Variants in BEND4 observed in about 807,000 individuals in gnomAD.
The protein encoded by BEND4 is BEN domain containing 4.
Under a neutral mutation model 54.7 loss-of-function variants are expected in BEND4, and 27 were observed. The ratio of observed to expected loss-of-function variants is 0.49; its 90% CI spans 0.36 to 0.68. The LOEUF is 0.68. Ranked by LOEUF, BEND4 falls within the 30% of genes least tolerant of loss-of-function variation. The probability of loss-of-function intolerance (pLI) is 0.00; values close to 1 mark genes in which losing one functional copy is unlikely to be tolerated. For missense variants in BEND4, 702 were observed against 697.2 expected (o/e 1.01, Z -0.08); for synonymous variants, 327 against 299.5 (o/e 1.09, Z -0.95).
At position 42,116,933 on chromosome 4, in the gene BEND4, G is replaced by C. The variant is rs1719861262; in HGVS notation, c.*585C>G. On this transcript the variant is annotated 3_prime_UTR_variant, in exon 6 of 6. Coordinates refer to ENST00000502486, the MANE Select transcript of BEND4 (RefSeq NM_207406.4). ...GTTTTTAAACAACAGAAAAACAGTT[G>C]ACCTGTAATTAATCACTGTCTGCAG... 6.6e-6 allele frequency: 1 copy of C among 152,164 alleles called. No homozygotes were observed. Among genetic ancestry groups the C allele is most frequent in the Non-Finnish European group, 1.5e-5 (1 of 68,030 alleles). The allele number at this position is 152,164 out of a possible 1,614,324, so 9.4% of individuals were successfully genotyped here. A position where few individuals can be genotyped will look rare whatever the true frequency, so the allele number is the denominator to read the frequency against.
At chr4:42,150,825 C>T (rs1446070841) in intron 2 of BEND4, among the ~76,000 whole-genome samples, 1 of 152,230 alleles carries the variant, frequency 6.6e-6, no homozygotes, top group Non-Finnish European at 1.5e-5. Flanking sequence ...CGAGGCGTTT[C>T]TGTAAGGCTC....
intron 3 of BEND4, among the ~76,000 whole-genome samples, chr4:42,135,590 G>C (rs1440216574): frequency 6.6e-6 from 1 of 151,974 alleles, no homozygotes; most frequent in African/African-American, 2.4e-5. Flanking sequence ...GGCTAACACA[G>C]TGAAACCCCG....
At chr4:42,131,352 A>G (rs1413354785) in intron 3 of BEND4, among the ~76,000 whole-genome samples, 1 of 152,224 alleles carries the variant, frequency 6.6e-6, no homozygotes, top group Non-Finnish European at 1.5e-5. Context: ...GAAAGAATAT[A>G]AGCCAAAGTG....
intron 3 of BEND4, among the ~76,000 whole-genome samples, chr4:42,135,648 G>A (rs1379460583): frequency 5.3e-5 from 8 of 152,126 alleles, no homozygotes; most frequent in South Asian, 2.1e-4. Flanking sequence ...GGTGAGGGGC[G>A]CCTGTACCCC....
At position 42,112,019 on chromosome 4, in the gene BEND4, T is replaced by A. The variant is rs920884418; in HGVS notation, c.*5499A>T. ...AGAGGATATATGGTTTGTATGTTCCTACCTAAGCATCGACATACTTTAGTA... is the reference window on the plus strand; with the variant it reads ...AGAGGATATATGGTTTGTATGTTCCAACCTAAGCATCGACATACTTTAGTA... On this transcript the variant is annotated 3_prime_UTR_variant, in exon 6 of 6. Transcript: ENST00000502486. 1 of 152,238 alleles carries A rather than the reference T, an allele frequency of 6.6e-6. No individual in the cohort carries two copies. The highest frequency in any genetic ancestry group is 2.4e-5 in the African/African-American group (1 of 41,464). 9.4% of individuals were successfully genotyped at this position (152,238 alleles called of 1,614,324 possible).
At chr4:42,141,361 G>T (rs1720873362) in intron 3 of BEND4, among the ~76,000 whole-genome samples, 1 of 152,180 alleles carries the variant, frequency 6.6e-6, no homozygotes, top group Admixed American at 6.5e-5. Context: ...CAAGTGGGTA[G>T]CTTTCTTTAA....
At position 42,123,694 on chromosome 4, in the gene BEND4, G is replaced by GAAAAAAAA. The variant is rs71664396; in HGVS notation, c.1146+1881_1146+1888dup. ...ATATTTACTTTGGATCTGTAATTCA[G>GAAAAAAAA]AAAAAAAAAAAAAAAAAAAAAAACA... is the stretch of plus-strand genomic sequence containing the variant. On this transcript the variant is annotated intron_variant, in intron 4 of 5. Transcript: ENST00000502486. 5.2e-3 allele frequency among the ~76,000 whole-genome samples: 264 copies of GAAAAAAAA among 50,462 alleles called. 3 individuals are homozygous for GAAAAAAAA. Among genetic ancestry groups the GAAAAAAAA allele is most frequent in the African/African-American group, 0.017 (216 of 13,066 alleles). 33.1% of individuals were successfully genotyped at this position (50,462 alleles called of 152,430 possible). A position where few individuals can be genotyped will look rare whatever the true frequency, so the allele number is the denominator to read the frequency against.
chr4:42,138,911 A>C (rs950494770), intron 3 of BEND4, among the ~76,000 whole-genome samples: 4 of 152,190 alleles, frequency 2.6e-5, no homozygotes, highest in Admixed American at 2.0e-4. Flanking sequence ...TACAATTATG[A>C]TTTCTTCTTA....
intron 3 of BEND4, among the ~76,000 whole-genome samples, chr4:42,128,056 C>T (rs1180596111): frequency 6.6e-6 from 1 of 152,078 alleles, no homozygotes; most frequent in African/African-American, 2.4e-5. Flanking sequence ...CCCAGCTACC[C>T]AGAATAAGCT....
At chr4:42,145,618 G>T (rs1243423824) in intron 2 of BEND4, among the ~76,000 whole-genome samples, 4 of 149,678 alleles carry the variant, frequency 2.7e-5, no homozygotes. Context: ...CTTGAACCCA[G>T]AAGACAGAGG....
chr4:42,123,698 A>AAAAAAAAC (rs1553921973), intron 4 of BEND4, among the ~76,000 whole-genome samples: 1 of 146,918 alleles, frequency 6.8e-6, no homozygotes, highest in Non-Finnish European at 1.5e-5. Flanking sequence ...AATTCAGAAA[A>AAAAAAAAC]AAAAAAAAAA....
chr4:42,132,651 G>A (rs569279506), intron 3 of BEND4, among the ~76,000 whole-genome samples: 92 of 152,062 alleles, frequency 6.1e-4, no homozygotes, highest in African/African-American at 2.0e-3. Context: ...TTACCATGTT[G>A]ACCAGGGGGG....
intron 3 of BEND4, among the ~76,000 whole-genome samples, chr4:42,134,715 T>A (rs190921747): frequency 6.6e-6 from 1 of 152,184 alleles, no homozygotes; most frequent in Non-Finnish European, 1.5e-5. Flanking sequence ...GCTTGCGAAC[T>A]GTGGGAAGCA....
chr4:42,144,735 T>C (rs1033523964), intron 2 of BEND4, among the ~76,000 whole-genome samples: 2 of 152,220 alleles, frequency 1.3e-5, no homozygotes, highest in African/African-American at 4.8e-5. Flanking sequence ...TATCCTAAAA[T>C]GGCACGAGGC....
rs377175750 is a variant in BEND4, at chr4:42,125,568, T to C, written c.1146+15A>G. 30 of 1,599,662 alleles carry C rather than the reference T, an allele frequency of 1.9e-5. No homozygotes were observed. Among genetic ancestry groups the C allele is most frequent in the Admixed American group, 5.0e-5 (3 of 59,996 alleles). The stretch of plus-strand genomic sequence containing the variant: ...AATTCCAAATGGAACATTCACCTTT[T>C]TACCAGAGACCTACCTCTGTCGGCT... On this transcript the variant is annotated intron_variant, in intron 4 of 5. Transcript: ENST00000502486.
chr4:42,120,336 CA>C (rs750913908), intron 4 of BEND4, 42 bp from the exon 5 acceptor site: 12 of 1,579,520 alleles, frequency 7.6e-6, no homozygotes, highest in Non-Finnish European at 1.0e-5. Flanking sequence ...CCGAGCCAGC[CA>C]GCCAGAAGCA....
intron 3 of BEND4, among the ~76,000 whole-genome samples, chr4:42,138,662 T>A (rs1393995317): frequency 6.6e-6 from 1 of 152,210 alleles, no homozygotes; most frequent in Non-Finnish European, 1.5e-5. Context: ...TTTAACTATA[T>A]ATCCTCTAAC....
At chr4:42,121,262 T>TA (rs999706907) in intron 4 of BEND4, among the ~76,000 whole-genome samples, 4 of 152,174 alleles carry the variant, frequency 2.6e-5, no homozygotes, top group Admixed American at 2.6e-4. Flanking sequence ...TCTGTTGAGT[T>TA]AAACACTGAG....
intron 3 of BEND4, among the ~76,000 whole-genome samples, chr4:42,137,672 C>G (rs769956425): frequency 2.6e-5 from 4 of 152,016 alleles, no homozygotes; most frequent in Non-Finnish European, 4.4e-5. Context: ...TAGCAATCAA[C>G]AAAATGAAAC....
Sources: allele counts gnomAD v4.1 joint callset (sites outside exome capture counted in the v4.1 genomes callset), GRCh38; gene constraint gnomAD v4.1.1; transcripts MANE v1.5; gene names NCBI Gene and HGNC (gene_info 2026-07-23, HGNC 2026-07-21).